SEMA6A: variants seen among roughly 807,000 people sequenced by gnomAD.
The protein encoded by SEMA6A is semaphorin 6A, also known as semaphorin-6A.
A neutral mutation model predicts 96.8 loss-of-function variants in SEMA6A; 25 were observed. The observed-to-expected ratio is 0.26, with a 90% CI of 0.19 to 0.36. The LOEUF is 0.36. Ranked by LOEUF, SEMA6A falls within the 10% of genes least tolerant of loss-of-function variation. The pLI is 1.00. For missense variants in SEMA6A, 1,363 were observed against 1,323.1 expected, an observed-to-expected ratio of 1.03 and a Z score of -0.47; for synonymous variants, 612 against 518.0, an observed-to-expected ratio of 1.18 and a Z score of -2.46.
At chr5:116,564,711 A>G (rs931935114) in intron 1 of SEMA6A, among the ~76,000 whole-genome samples, 4 of 152,144 alleles carry the variant, frequency 2.6e-5, no homozygotes, top group African/African-American at 7.2e-5. Context: ...ACAAACCTAA[A>G]AAAAAATAGC....
chr5:116,541,988 T>C (rs1759991635), intron 1 of SEMA6A, among the ~76,000 whole-genome samples: 1 of 152,244 alleles, frequency 6.6e-6, no homozygotes, highest in Non-Finnish European at 1.5e-5. Flanking sequence ...ATGTCATATC[T>C]TGGCAAATAC....
chr5:116,454,565 A>G lies in SEMA6A; in HGVS notation c.1895-6754T>C, dbSNP rs114786724. On this transcript the variant is annotated intron_variant, in intron 18 of 18. Transcript: ENST00000343348. ...AAGAAGAGAAGAAAACAAACAAGGG[A>G]AAAACCCTAACTGGAGACAATTTAT... Among the ~76,000 whole-genome samples the G allele has an allele frequency of 6.7e-3, 1,013 of 152,274 alleles. 18 individuals carry two copies. Among genetic ancestry groups the G allele is most frequent in the African/African-American group, 0.023 (975 of 41,552 alleles).
chr5:116,540,851 T>G (rs1484993046), intron 1 of SEMA6A, among the ~76,000 whole-genome samples: 2 of 152,176 alleles, frequency 1.3e-5, no homozygotes, highest in African/African-American at 4.8e-5. Context: ...TTCTGGCACT[T>G]AAGATGGTAG....
chr5:116,533,548 A>G (rs1403234341), intron 1 of SEMA6A, among the ~76,000 whole-genome samples: 1 of 152,202 alleles, frequency 6.6e-6, no homozygotes, highest in Non-Finnish European at 1.5e-5. Context: ...GTATATCAGC[A>G]TACTTTTCTC....
At chr5:116,565,732 A>T (rs1431720151) in intron 1 of SEMA6A, among the ~76,000 whole-genome samples, 3 of 152,228 alleles carry the variant, frequency 2.0e-5, no homozygotes, top group Non-Finnish European at 2.9e-5. Flanking sequence ...AAAAACCAAA[A>T]TATGTGAATG....
chr5:116,490,729 C>G (rs1580428959), intron 7 of SEMA6A, among the ~76,000 whole-genome samples: 1 of 152,162 alleles, frequency 6.6e-6, no homozygotes, highest in Non-Finnish European at 1.5e-5. Flanking sequence ...AGGAACTAAT[C>G]TTGTTTCATA....
At position 116,447,319 on chromosome 5, in the gene SEMA6A, G is replaced by A. The variant is rs887319784; in HGVS notation, c.2387C>T (p.Ser796Phe). 1.9e-6 allele frequency: 3 copies of A among 1,613,770 alleles called. No individual in the cohort carries two copies. Among genetic ancestry groups the A allele is most frequent in the Non-Finnish European group, 1.7e-6 (2 of 1,179,894 alleles). The change falls in exon 19 of 19, where the codon TCC (serine) becomes TTC (phenylalanine). Residue 796 changes from serine to phenylalanine, a missense_variant. Around this residue, in one of 2 missense-constraint regions of SEMA6A, gnomAD observed 883 missense variants for 763.6 expected, o/e 1.16. Transcript: ENST00000343348. Reference protein sequence around the residue: ...ACTKDMPPMGSPVIPTDLPLR... With the variant: ...ACTKDMPPMGFPVIPTDLPLR... ...GGGCAGGTCCGTGGGAATCACAGGG[G>A]AGCCCATGGGGGGCATGTCCTTTGT...
At chr5:116,494,031 A>G (rs1382963115) in intron 6 of SEMA6A, among the ~76,000 whole-genome samples, 1 of 152,170 alleles carries the variant, frequency 6.6e-6, no homozygotes, top group Non-Finnish European at 1.5e-5. Context: ...CTACTCGCCA[A>G]GAGATGGCCT....
At chr5:116,537,605 AC>A (rs1420023430) in intron 1 of SEMA6A, among the ~76,000 whole-genome samples, 1 of 152,182 alleles carries the variant, frequency 6.6e-6, no homozygotes, top group African/African-American at 2.4e-5. Flanking sequence ...AGATAAAGTA[AC>A]TTGTGCCTTT....
At chr5:116,450,760 A>G (rs1465650802) in intron 18 of SEMA6A, among the ~76,000 whole-genome samples, 2 of 152,190 alleles carry the variant, frequency 1.3e-5, no homozygotes, top group African/African-American at 2.4e-5. Flanking sequence ...GCATGTCTTC[A>G]TCTATCCATG....
intron 1 of SEMA6A, among the ~76,000 whole-genome samples, chr5:116,564,947 CATG>C (rs1413396651): frequency 1.3e-5 from 2 of 152,188 alleles, no homozygotes; most frequent in Admixed American, 1.3e-4. Context: ...ACACAGCAAT[CATG>C]ATGTCATTTT....
chr5:116,472,624 A>C lies in SEMA6A; in HGVS notation c.1729+449T>G, dbSNP rs536083919. The C allele has an allele frequency of 1.2e-5, 5 of 418,476 alleles. No individual in the cohort carries two copies. In the Admixed American group the frequency reaches 2.1e-4, roughly 18 times the overall value. The allele number at this position is 418,476 out of a possible 1,614,324, so 25.9% of individuals were successfully genotyped here. On this transcript the variant is annotated intron_variant, in intron 17 of 18. Coordinates refer to ENST00000343348, the MANE Select transcript of SEMA6A (RefSeq NM_020796.5). ...TTTCTTCTCCCTCAAGAACTCATTA[A>C]ATGTATTCACCAAATTCCCTAAGGT...
At chr5:116,480,694 T>A (rs559335947) in intron 11 of SEMA6A, among the ~76,000 whole-genome samples, 1 of 150,722 alleles carries the variant, frequency 6.6e-6, no homozygotes, top group Non-Finnish European at 1.5e-5. Context: ...TTCGCAAGTG[T>A]AGAAAGAAAA....
Position 116,489,142 on chromosome 5 carries a change from G to A in SEMA6A, c.536-135C>T, listed in dbSNP as rs182087524. 4.8e-5 allele frequency: 49 copies of A among 1,024,358 alleles called. 1 individual carries two copies. Among genetic ancestry groups the A allele is most frequent in the African/African-American group, 4.1e-4 (25 of 61,576 alleles). 63.5% of individuals were successfully genotyped at this position (1,024,358 alleles called of 1,614,324 possible). ...CACAACTGGGAAAAATCCAAGAGTC[G>A]CTGGGAAAACTCTTGGCCCACATTC... is the stretch of plus-strand genomic sequence containing the variant. On this transcript the variant is annotated intron_variant, in intron 7 of 18. Coordinates refer to ENST00000343348, the MANE Select transcript of SEMA6A (RefSeq NM_020796.5).
chr5:116,549,747 G>T (rs1247618220), intron 1 of SEMA6A, among the ~76,000 whole-genome samples: 1 of 152,086 alleles, frequency 6.6e-6, no homozygotes, highest in Non-Finnish European at 1.5e-5. Context: ...AAATTCACAA[G>T]GGAGTTTCCC....
intron 5 of SEMA6A, chr5:116,495,867 T>G: frequency 3.0e-6 from 1 of 335,666 alleles, no homozygotes; most frequent in Non-Finnish European, 5.5e-6. Context: ...TTTTATGTTG[T>G]TATATGACCA....
intron 1 of SEMA6A, among the ~76,000 whole-genome samples, chr5:116,514,936 T>TA (rs1758597000): frequency 6.6e-6 from 1 of 152,166 alleles, no homozygotes; most frequent in Non-Finnish European, 1.5e-5. Flanking sequence ...ATACACAAAT[T>TA]AACAATAATC....
intron 17 of SEMA6A, among the ~76,000 whole-genome samples, chr5:116,470,124 A>G (rs1406978159): frequency 6.6e-6 from 1 of 152,136 alleles, no homozygotes. Flanking sequence ...AAATTTTAGA[A>G]CCACCCTGTA....
At chr5:116,489,037 G>A in intron 7 of SEMA6A, 30 bp from the exon 8 acceptor site, 3 of 1,545,602 alleles carry the variant, frequency 1.9e-6, no homozygotes, top group South Asian at 1.2e-5. Flanking sequence ...AGGTGAACAG[G>A]GTGGGAGCAA....
Sources: gnomAD v4.1 joint callset for allele counts (sites outside exome capture counted in the v4.1 genomes callset) on GRCh38, gnomAD v4.1.1 for gene constraint, gnomAD v4.1.1 regional missense constraint, MANE v1.5 for transcripts, NCBI Gene and HGNC (gene_info 2026-07-23, HGNC 2026-07-21) for gene names.